The following MAP3K4 variants were observed in gnomAD, a reference collection of about 807,000 sequenced individuals.
The protein encoded by MAP3K4 is mitogen-activated protein kinase kinase kinase 4.
MAP3K4 carries 67 observed loss-of-function variants against 185.6 expected under a neutral mutation model. That is an observed-to-expected ratio of 0.36 (90% confidence interval 0.30 to 0.44). The LOEUF (loss-of-function observed/expected upper bound fraction) is 0.44. Among genes scored for constraint, MAP3K4 ranks in the 20% least tolerant of loss-of-function variants. The pLI is 1.00. For missense variants in MAP3K4, 1,551 were observed against 1,995.1 expected (o/e 0.78, Z 4.24); for synonymous variants, 702 against 710.4 (o/e 0.99, Z 0.19).
At chr6:161,102,869 A>G in intron 19 of MAP3K4, 90 bp downstream of exon 19, 1 of 841,866 alleles carries the variant, frequency 1.2e-6, no homozygotes, top group Non-Finnish European at 1.8e-6. Flanking sequence ...AACTTGATTT[A>G]GCTTCTGAAT....
At chr6:161,000,090 C>T (rs895583913) in intron 1 of MAP3K4, among the ~76,000 whole-genome samples, 2 of 152,152 alleles carry the variant, frequency 1.3e-5, no homozygotes. Flanking sequence ...TCGTGACCTA[C>T]AGTAAGAAAT....
At chr6:161,010,464 A>G (rs1408138561) in intron 1 of MAP3K4, among the ~76,000 whole-genome samples, 1 of 150,906 alleles carries the variant, frequency 6.6e-6, no homozygotes, top group Non-Finnish European at 1.5e-5. Flanking sequence ...TTCTTGGTTC[A>G]AAACTATAGG....
At chr6:161,113,017 TA>T (rs1349366949) in intron 25 of MAP3K4, among the ~76,000 whole-genome samples, 1 of 152,042 alleles carries the variant, frequency 6.6e-6, no homozygotes, top group Non-Finnish European at 1.5e-5. Flanking sequence ...AACCTCTAAT[TA>T]AAACACAGGG....
chr6:161,109,880 C>G lies in MAP3K4; in HGVS notation c.4362C>G (p.Leu1454=). 2 of 1,614,142 alleles carry G rather than the reference C, an allele frequency of 1.2e-6. No homozygotes were observed. The highest frequency in any genetic ancestry group is 1.7e-5 in the Admixed American group (1 of 60,024). ...AGATCACCATTGCGATCAACGTCCTCCATGAGCATGGCATAGTCCACCGTG... is the reference window on the plus strand; with the variant it reads ...AGATCACCATTGCGATCAACGTCCTGCATGAGCATGGCATAGTCCACCGTG... The part of the protein sequence containing the change: ...SKQITIAINV[L]HEHGIVHRDI... Residue 1454 remains leucine (L), a synonymous_variant, in exon 23 of 27, where the codon CTC becomes CTG. Transcript: ENST00000392142. The surrounding 1 kb of genome is among the most constrained non-coding windows in gnomAD (Gnocchi z 5.7).
Position 161,084,977 on chromosome 6 carries a change from T to A in MAP3K4, c.2372+360T>A, listed in dbSNP as rs1218851571. 6.6e-6 allele frequency among the ~76,000 whole-genome samples: 1 copy of A among 151,998 alleles called. No individual in the cohort carries two copies. Among genetic ancestry groups the A allele is most frequent in the Non-Finnish European group, 1.5e-5 (1 of 68,016 alleles). ...CTGGCCAAGATGGTGAAACCTCGTC[T>A]CTACTAAAAATACAAAAAAAACAGC... On this transcript the variant is annotated intron_variant, in intron 7 of 26. Coordinates refer to ENST00000392142, the MANE Select transcript of MAP3K4 (RefSeq NM_005922.4). The surrounding 1 kb of genome is among the most constrained non-coding windows in gnomAD (Gnocchi z 4.6).
At position 161,080,772 on chromosome 6, in the gene MAP3K4, G is replaced by GC. The variant is rs1386629772; in HGVS notation, c.2098-104dup. ...CTGTCGGTGCTGCGTGCCTGTGACA[G>GC]CCCCCGGCCCGCCCCCACTTTACCC... On this transcript the variant is annotated intron_variant, in intron 5 of 26. Transcript: ENST00000392142. This position sits in a 1 kb window ranked among gnomAD's most constrained non-coding sequence, Gnocchi z 4.8. 3 of 903,046 alleles carry GC rather than the reference G, an allele frequency of 3.3e-6. No individual in the cohort carries two copies. The highest frequency in any genetic ancestry group is 4.5e-5 in the Admixed American group (2 of 44,626). 55.9% of individuals were successfully genotyped at this position (903,046 alleles called of 1,614,324 possible).
chr6:161,026,342 A>T (rs111512958), intron 1 of MAP3K4, among the ~76,000 whole-genome samples: 12 of 151,608 alleles, frequency 7.9e-5, no homozygotes, highest in Non-Finnish European at 1.5e-4. Context: ...TCACCATGTT[A>T]GCCAGGATGG....
At chr6:161,029,672 A>C (rs1349042374) in intron 1 of MAP3K4, among the ~76,000 whole-genome samples, 2 of 152,204 alleles carry the variant, frequency 1.3e-5, no homozygotes, top group Non-Finnish European at 2.9e-5. Flanking sequence ...GCTCATCCCA[A>C]ATCATTGGTA....
chr6:161,035,134 T>C (rs1313782147), intron 2 of MAP3K4, among the ~76,000 whole-genome samples: 1 of 152,164 alleles, frequency 6.6e-6, no homozygotes, highest in Non-Finnish European at 1.5e-5. Context: ...AGCCTCCTTG[T>C]ACCCTACGTG....
At position 161,070,162 on chromosome 6, in the gene MAP3K4, T is replaced by C. The variant is rs1784874829; in HGVS notation, c.1708-446T>C. On this transcript the variant is annotated intron_variant, in intron 3 of 26. Coordinates refer to ENST00000392142, the MANE Select transcript of MAP3K4 (RefSeq NM_005922.4). The surrounding 1 kb of genome is among the most constrained non-coding windows in gnomAD (Gnocchi z 4.5). Reference sequence around the variant, plus strand: ...GAACTGATTAGTTTTTATGTTTTCATAAATGGCTACTTAGGATGAGCTGTT... The same window carrying C: ...GAACTGATTAGTTTTTATGTTTTCACAAATGGCTACTTAGGATGAGCTGTT... Among the ~76,000 whole-genome samples the C allele has an allele frequency of 6.6e-6, 1 of 152,258 alleles. No individual in the cohort carries two copies. The highest frequency in any genetic ancestry group is 2.1e-4 in the South Asian group (1 of 4,834).
Position 161,115,418 on chromosome 6 carries a change from A to T in MAP3K4, c.4806+116A>T. On this transcript the variant is annotated intron_variant, in intron 26 of 26. Transcript: ENST00000392142. This position sits in a 1 kb window ranked among gnomAD's most constrained non-coding sequence, Gnocchi z 6.0. ...GTAGCTATATCTGAAGTGGAAAGGA[A>T]CTAAATGTATTATTATGCCAGGGAT... 1.0e-6 allele frequency: 1 copy of T among 978,926 alleles called. No homozygotes were observed. The highest frequency in any genetic ancestry group is 1.5e-6 in the Non-Finnish European group (1 of 677,290). 60.6% of individuals were successfully genotyped at this position (978,926 alleles called of 1,614,324 possible).
intron 1 of MAP3K4, among the ~76,000 whole-genome samples, chr6:161,033,211 AAAATATAAAGCATATTTATAT>A (rs1305904257): frequency 3.9e-5 from 6 of 152,170 alleles, no homozygotes; most frequent in Non-Finnish European, 7.3e-5. Context: ...TTATGTTTAT[AAAATATAAAGCATATTTATAT>A]AAATATAAAG....
chr6:161,009,479 G>A (rs1781749655), intron 1 of MAP3K4, among the ~76,000 whole-genome samples: 1 of 152,182 alleles, frequency 6.6e-6, no homozygotes, highest in South Asian at 2.1e-4. Flanking sequence ...TCTCATGTAA[G>A]TGGAATCAGA....
Position 161,008,516 on chromosome 6 carries a change from C to T in MAP3K4, c.152+16433C>T, listed in dbSNP as rs1225916040. 6.6e-6 allele frequency among the ~76,000 whole-genome samples: 1 copy of T among 152,108 alleles called. No homozygotes were observed. On this transcript the variant is annotated intron_variant, in intron 1 of 26. Transcript: ENST00000392142. This position sits in a 1 kb window ranked among gnomAD's most constrained non-coding sequence, Gnocchi z 4.1. Reference sequence around the variant, plus strand: ...TGACATAATGTGGTAATAGATGAAACAGGAGCTGGCAGTTGACCAATTATG... The same window carrying T: ...TGACATAATGTGGTAATAGATGAAATAGGAGCTGGCAGTTGACCAATTATG...
In MAP3K4 at chr6:161,093,950, T is replaced by G. The variant is rs768607744; in HGVS notation, c.3427+99T>G. 3.4e-6 allele frequency: 3 copies of G among 888,954 alleles called. No homozygotes were observed. The highest frequency in any genetic ancestry group is 2.2e-4 in the Middle Eastern group (1 of 4,550). The allele number at this position is 888,954 out of a possible 1,614,324, so 55.1% of individuals were successfully genotyped here. On this transcript the variant is annotated intron_variant, in intron 15 of 26. Coordinates refer to ENST00000392142, the MANE Select transcript of MAP3K4 (RefSeq NM_005922.4). This position sits in a 1 kb window ranked among gnomAD's most constrained non-coding sequence, Gnocchi z 5.2. ...CGTTTAAAATGGTATAAGAGGTGTT[T>G]TAACAGTATTCAGGAAAACGACAAT...
At chr6:161,058,990 G>T (rs1784370420) in intron 3 of MAP3K4, among the ~76,000 whole-genome samples, 1 of 152,110 alleles carries the variant, frequency 6.6e-6, no homozygotes, top group Admixed American at 6.5e-5. Flanking sequence ...AGGTCATGGG[G>T]TATATGCACA....
rs1027155366 is a variant in MAP3K4 at position 161,098,502 on chromosome 6, G to T, written c.3674+75G>T. On this transcript the variant is annotated intron_variant, in intron 17 of 26. Transcript: ENST00000392142. This position sits in a 1 kb window ranked among gnomAD's most constrained non-coding sequence, Gnocchi z 4.4. ...CTTACACAGCAACCATAGTGTTAGG[G>T]TGTGTGCCGGCTGTGGTTGGGCTTC... 1.6e-5 allele frequency: 24 copies of T among 1,499,890 alleles called. No homozygotes were observed. The highest frequency in any genetic ancestry group is 2.8e-5 in the African/African-American group (2 of 71,680). 92.9% of individuals were successfully genotyped at this position (1,499,890 alleles called of 1,614,324 possible).
chr6:160,992,777 C>T (rs1181808140), intron 1 of MAP3K4, among the ~76,000 whole-genome samples: 1 of 152,060 alleles, frequency 6.6e-6, no homozygotes, highest in South Asian at 2.1e-4. Flanking sequence ...GCATTTGTTG[C>T]TTTTTCTTCC....
Position 161,086,550 on chromosome 6 carries a change from C to T in MAP3K4, c.2473-34C>T. On this transcript the variant is annotated intron_variant, in intron 8 of 26. Coordinates refer to ENST00000392142, the MANE Select transcript of MAP3K4 (RefSeq NM_005922.4). This position sits in a 1 kb window ranked among gnomAD's most constrained non-coding sequence, Gnocchi z 4.8. The stretch of plus-strand genomic sequence containing the variant: ...TTTTATCTTATTTTTTTAATGCTAA[C>T]CGTAAAGAAGTTTCTTTGTAACTGT... The T allele has an allele frequency of 1.9e-6, 3 of 1,604,110 alleles. No individual in the cohort carries two copies. The highest frequency in any genetic ancestry group is 2.2e-5 in the East Asian group (1 of 44,818).
Sources: allele counts gnomAD v4.1 joint callset (sites outside exome capture counted in the v4.1 genomes callset), GRCh38; gene constraint gnomAD v4.1.1; non-coding constraint Gnocchi (gnomAD v3.1); transcripts MANE v1.5; gene names NCBI Gene and HGNC (gene_info 2026-07-23, HGNC 2026-07-21).